The following FAH variants were observed in gnomAD, a reference collection of about 807,000 sequenced individuals.
FAH encodes the protein fumarylacetoacetate hydrolase.
In FAH, 47 loss-of-function variants were observed where a neutral mutation model predicts 55.8. The ratio of observed to expected loss-of-function variants is 0.84; its 90% confidence interval spans 0.67 to 1.07. FAH has a LOEUF of 1.07. Ranked by LOEUF, FAH falls within the 50% of genes least tolerant of loss-of-function variation. The pLI is 0.00. For missense variants in FAH, 495 were observed against 545.9 expected, an observed-to-expected ratio of 0.91 and a Z score of 0.93; for synonymous variants, 199 against 207.7, an observed-to-expected ratio of 0.96 and a Z score of 0.36.
At position 80,168,088 on chromosome 15, in the gene FAH, C is replaced by T. The variant is rs754416947; in HGVS notation, c.492C>T (p.Ser164=). ...CAGTGGGCTACCATGGCCGTGCCTC[C>T]TCTGTCGTGGTGTCTGGCACCCCAA... The part of the protein sequence containing the change: ...HLPVGYHGRA[S]SVVVSGTPIR... Residue 164 remains serine, a synonymous_variant, in exon 6 of 14, where the codon TCC becomes TCT. Transcript: ENST00000561421. The T allele has an allele frequency of 6.2e-6, 10 of 1,614,082 alleles. No individual in the cohort carries two copies. The highest frequency in any genetic ancestry group is 1.3e-5 in the African/African-American group (1 of 74,930).
chr15:80,162,567 AG>A, intron 5 of FAH: 3 of 584,520 alleles, frequency 5.1e-6, no homozygotes, highest in Middle Eastern at 8.6e-4. Flanking sequence ...CTTGGACAGC[AG>A]GGGTTGGAAT....
chr15:80,162,830 G>A, intron 5 of FAH: 1 of 224,896 alleles, frequency 4.4e-6, no homozygotes. Context: ...ACAGGAAAAT[G>A]GGCTCAGAGA....
chr15:80,166,635 C>CTTTTTTTT (rs768001652), intron 5 of FAH, among the ~76,000 whole-genome samples: 19 of 118,360 alleles, frequency 1.6e-4, no homozygotes, highest in South Asian at 2.8e-4. Flanking sequence ...TTTGCATTTT[C>CTTTTTTTT]TTTTTTTTTT....
At chr15:80,161,772 G>A (rs1371730988) in intron 4 of FAH, among the ~76,000 whole-genome samples, 4 of 152,224 alleles carry the variant, frequency 2.6e-5, no homozygotes, top group Non-Finnish European at 2.9e-5. Context: ...AAGGATTCAG[G>A]GGAGGGGATT....
chr15:80,180,073 G>A (rs2041316261), intron 11 of FAH, 51 bp from the exon 12 acceptor site: 2 of 1,412,304 alleles, frequency 1.4e-6, no homozygotes, highest in African/African-American at 2.8e-5. Flanking sequence ...CCTCCGGGAT[G>A]CTAGGCTAAG....
chr15:80,182,181 T>C (rs542755481), intron 13 of FAH, among the ~76,000 whole-genome samples: 2 of 152,304 alleles, frequency 1.3e-5, no homozygotes, highest in East Asian at 3.9e-4. Context: ...TCGCCTCGTC[T>C]TCTGTCTCAT....
At chr15:80,180,949 C>T in intron 12 of FAH, 93 bp from the exon 13 acceptor site, 1 of 1,049,164 alleles carries the variant, frequency 9.5e-7, no homozygotes, top group Non-Finnish European at 1.5e-6. Context: ...CCCCCTGCCA[C>T]TTCTCGGGAC....
At position 80,169,775 on chromosome 15, in the gene FAH, C is replaced by G. The variant is rs533149302; in HGVS notation, c.606+1459C>G. Among the ~76,000 whole-genome samples, 12 of 152,302 alleles carry G rather than the reference C, an allele frequency of 7.9e-5. No homozygotes were observed. The East Asian group carries it at 1.9e-3, about 25-fold the overall frequency. On this transcript the variant is annotated intron_variant, in intron 7 of 13. Transcript: ENST00000561421. ...GTCTCGATCTCCTGACCTCGTGATC[C>G]ACCTGCCTCGGCCTCCCAAAGTGCT...
At position 80,159,881 on chromosome 15, in the gene FAH, A is replaced by G. The variant is rs748750943; in HGVS notation, c.314+4A>G. 13 of 1,614,114 alleles carry G rather than the reference A, an allele frequency of 8.1e-6. No individual in the cohort carries two copies. The highest frequency in any genetic ancestry group is 1.1e-5 in the Non-Finnish European group (13 of 1,180,000). ...ATGACACCGAACTTCGGAAGTGGTG[A>G]GAAGCACGTGGTCATAGGGGGGATG... On this transcript the variant is annotated splice_donor_region_variant and intron_variant, in intron 3 of 13. Transcript: ENST00000561421.
intron 8 of FAH, among the ~76,000 whole-genome samples, chr15:80,172,511 C>A (rs2041249898): frequency 6.6e-6 from 1 of 152,146 alleles, no homozygotes; most frequent in Non-Finnish European, 1.5e-5. Flanking sequence ...ATGTGTCAGG[C>A]CCTGTGCTTA....
At chr15:80,186,015 A>G (rs2041367451) in intron 13 of FAH, 115 bp from the exon 14 acceptor site, 1 of 814,914 alleles carries the variant, frequency 1.2e-6, no homozygotes, top group Admixed American at 1.8e-5. Context: ...TGTGATTCTG[A>G]TGGCACCTTC....
At chr15:80,182,791 C>G (rs781128853) in intron 13 of FAH, among the ~76,000 whole-genome samples, 2 of 152,222 alleles carry the variant, frequency 1.3e-5, no homozygotes, top group Non-Finnish European at 2.9e-5. Flanking sequence ...TGTTTCTAGT[C>G]TTTCTGCAAT....
At position 80,162,463 on chromosome 15, in the gene FAH, G is replaced by A. The variant is rs551962600; in HGVS notation, c.455+127G>A. 158 of 820,196 alleles carry A rather than the reference G, an allele frequency of 1.9e-4. No individual in the cohort carries two copies. The East Asian group carries it at 4.0e-3, about 21-fold the overall frequency. The allele number at this position is 820,196 out of a possible 1,614,324, so 50.8% of individuals were successfully genotyped here. ...GGGGAGGAAAAGCAGTTATGATGTT[G>A]CAACCTCTGGAAGCAGTGGTCTCAG... On this transcript the variant is annotated intron_variant, in intron 5 of 13. Transcript: ENST00000561421.
intron 1 of FAH, among the ~76,000 whole-genome samples, chr15:80,155,255 G>A (rs1478972130): frequency 6.6e-6 from 1 of 152,178 alleles, no homozygotes; most frequent in Non-Finnish European, 1.5e-5. Flanking sequence ...TGTTCCCAGG[G>A]CCTCAGCAGC....
intron 2 of FAH, among the ~76,000 whole-genome samples, chr15:80,159,423 C>T (rs1002891572): frequency 7.2e-6 from 1 of 139,656 alleles, no homozygotes; most frequent in African/African-American, 2.5e-5. Context: ...GCTGTGATCA[C>T]TCTGCAGACT....
rs896536648 is a variant in FAH at position 80,186,020 on chromosome 15, A to G, written c.1181-110A>G. On this transcript the variant is annotated intron_variant, in intron 13 of 13. Transcript: ENST00000561421. Reference sequence around the variant, plus strand: ...GATATGTGTGTGTGATTCTGATGGCACCTTCCTGCCTCGGGCCAGCTGTGT... The same window carrying G: ...GATATGTGTGTGTGATTCTGATGGCGCCTTCCTGCCTCGGGCCAGCTGTGT... 19 of 835,270 alleles carry G rather than the reference A, an allele frequency of 2.3e-5. No individual in the cohort carries two copies. In the East Asian group the frequency reaches 4.6e-4, roughly 20 times the overall value. 51.7% of individuals were successfully genotyped at this position (835,270 alleles called of 1,614,324 possible). A position where few individuals can be genotyped will look rare whatever the true frequency, so the allele number is the denominator to read the frequency against.
intron 1 of FAH, 114 bp from the exon 2 acceptor site, chr15:80,157,946 C>T: frequency 1.3e-6 from 1 of 786,804 alleles, no homozygotes; most frequent in Non-Finnish European, 2.3e-6. Context: ...GCTCTGCATA[C>T]AGGGCCACCT....
intron 7 of FAH, 114 bp downstream of exon 7, chr15:80,168,430 C>A (rs1458858356): frequency 9.9e-7 from 1 of 1,013,736 alleles, no homozygotes; most frequent in Non-Finnish European, 1.5e-6. Context: ...TCAGCCACAT[C>A]GGCAGCCGCT....
Position 80,162,287 on chromosome 15 carries a change from A to G in FAH, c.406A>G (p.Asn136Asp), listed in dbSNP as rs2041155737. ...CTATTCCTCTCGGCAGCATGCTACC[A>G]ACGTCGGAATCATGTTCAGGGACAA... ...DFYSSRQHATNVGIMFRDKEN... is the reference protein window; with the variant it reads ...DFYSSRQHATDVGIMFRDKEN... The change falls in exon 5 of 14, where the codon AAC becomes GAC. Residue 136 changes from asparagine to aspartate, a missense_variant. Coordinates refer to ENST00000561421, the MANE Select transcript of FAH (RefSeq NM_000137.4). 6.2e-7 allele frequency: 1 copy of G among 1,614,262 alleles called. No homozygotes were observed. The highest frequency in any genetic ancestry group is 8.5e-7 in the Non-Finnish European group (1 of 1,180,046).
Sources: allele counts gnomAD v4.1 joint callset (sites outside exome capture counted in the v4.1 genomes callset), GRCh38; gene constraint gnomAD v4.1.1; transcripts MANE v1.5; gene names NCBI Gene and HGNC (gene_info 2026-07-23, HGNC 2026-07-21).